RIMS1: variants seen among roughly 807,000 people sequenced by gnomAD.
RIMS1 encodes the protein regulating synaptic membrane exocytosis 1.
A neutral mutation model predicts 214.1 loss-of-function variants in RIMS1; 83 were observed. That is an observed-to-expected ratio of 0.39 (90% CI 0.32 to 0.47). The LOEUF (loss-of-function observed/expected upper bound fraction) is 0.47. Among genes scored for constraint, RIMS1 ranks in the 20% least tolerant of loss-of-function variants. The pLI, the probability that RIMS1 is intolerant of heterozygous loss-of-function variation, is 0.99. For synonymous variants in RIMS1, 793 were observed against 786.8 expected, an observed-to-expected ratio of 1.01 and a Z score of -0.13; for missense variants, 2,050 against 2,161.8, an observed-to-expected ratio of 0.95 and a Z score of 1.03.
chr6:72,158,014 ATGT>A (rs1252564265), intron 4 of RIMS1, among the ~76,000 whole-genome samples: 2 of 140,546 alleles, frequency 1.4e-5, no homozygotes, highest in South Asian at 2.3e-4. Context: ...CAAATATTTT[ATGT>A]TATTATTGTG....
At chr6:72,396,161 A>G (rs1261590506) in intron 31 of RIMS1, among the ~76,000 whole-genome samples, 1 of 152,148 alleles carries the variant, frequency 6.6e-6, no homozygotes. Flanking sequence ...AGAAAAAATG[A>G]CCATCTTAAG....
At chr6:71,918,462 G>A (rs938209909) in intron 1 of RIMS1, among the ~76,000 whole-genome samples, 2 of 152,252 alleles carry the variant, frequency 1.3e-5, no homozygotes, top group African/African-American at 4.8e-5. Context: ...CCCTTGCAAT[G>A]GTGAAGACAA....
Position 72,274,396 on chromosome 6 carries a change from G to C in RIMS1, c.3446G>C (p.Arg1149Thr). The change falls in exon 23 of 34, where the codon AGG (arginine) becomes ACG (threonine). Residue 1149 changes from arginine to threonine, a missense_variant. Physicochemically the swap from Arg to Thr is moderately conservative, Grantham distance 71 (BLOSUM62 -1). Coordinates refer to ENST00000521978, the MANE Select transcript of RIMS1 (RefSeq NM_014989.7). ...SLDRRRPPSP[R>T]IQIQHASPEN... ...GATAGGAGACGACCTCCTAGTCCCA[G>C]GATTCAAATCCAGCATGCGTCTCCG... 6.2e-7 allele frequency: 1 copy of C among 1,613,304 alleles called. No homozygotes were observed. Among genetic ancestry groups the C allele is most frequent in the Non-Finnish European group, 8.5e-7 (1 of 1,179,456 alleles).
In RIMS1 at chr6:72,161,818, A is replaced by T. The variant is rs2045464864; in HGVS notation, c.472-17757A>T. The stretch of plus-strand genomic sequence containing the variant: ...GAGCTTTACTTCCAACTATGTGGTC[A>T]ACTTTGGAATAAGTGTGATGTGGTG... On this transcript the variant is annotated intron_variant, in intron 4 of 33. Transcript: ENST00000521978. Among the ~76,000 whole-genome samples, 2 of 139,952 alleles carry T rather than the reference A, an allele frequency of 1.4e-5. 1 individual carries two copies. The highest frequency in any genetic ancestry group is 1.5e-4 in the Admixed American group (2 of 13,590). The allele number at this position is 139,952 out of a possible 152,430, so 91.8% of individuals were successfully genotyped here.
intron 1 of RIMS1, among the ~76,000 whole-genome samples, chr6:71,937,220 G>GTTC (rs1375658099): frequency 2.6e-5 from 4 of 152,110 alleles, no homozygotes; most frequent in Non-Finnish European, 4.4e-5. Context: ...GAATAGAAAT[G>GTTC]TATTTGGCTT....
intron 31 of RIMS1, among the ~76,000 whole-genome samples, chr6:72,393,108 CAGTAA>C (rs1449323458): frequency 6.8e-6 from 1 of 146,934 alleles, no homozygotes; most frequent in African/African-American, 2.5e-5. Flanking sequence ...AAAGACTGTT[CAGTAA>C]AGTATAGTAA....
intron 7 of RIMS1, among the ~76,000 whole-genome samples, chr6:72,234,055 A>T (rs1054311394): frequency 1.3e-5 from 2 of 152,006 alleles, no homozygotes; most frequent in African/African-American, 2.4e-5. Flanking sequence ...TAATTACTAT[A>T]AGTAAGATTG....
chr6:72,217,178 A>G, intron 6 of RIMS1: 1 of 1,536,798 alleles, frequency 6.5e-7, no homozygotes, highest in Non-Finnish European at 8.7e-7. Context: ...AACCACTCCG[A>G]TGCTGCTGTT....
intron 6 of RIMS1, among the ~76,000 whole-genome samples, chr6:72,213,669 A>G (rs925676184): frequency 6.6e-6 from 1 of 152,190 alleles, no homozygotes; most frequent in African/African-American, 2.4e-5. Context: ...TGGAATGTCA[A>G]TGCAAAAATA....
chr6:71,934,040 C>T (rs1017644302), intron 1 of RIMS1, among the ~76,000 whole-genome samples: 3 of 152,150 alleles, frequency 2.0e-5, no homozygotes, highest in Admixed American at 6.5e-5. Flanking sequence ...CCCACCTCCT[C>T]AAGTTTCCAT....
rs1424727747 is a variant in RIMS1, at chr6:72,182,729, T to C, written c.1258T>C (p.Ser420Pro). The C allele has an allele frequency of 9.1e-6, 14 of 1,534,212 alleles. No homozygotes were observed. The highest frequency in any genetic ancestry group is 1.4e-5 in the African/African-American group (1 of 71,616). Residue 420 changes from serine to proline, a missense_variant, in exon 6 of 34, where the codon TCG becomes CCG. Transcript: ENST00000521978. ...GKRAPAAARA[S>P]PPDSPRAYSA... ...ACGCGCGCCGGCGGCAGCCAGGGCC[T>C]CGCCGCCGGACTCGCCGCGGGCTTA...
At chr6:72,213,210 C>G (rs891525901) in intron 6 of RIMS1, 1 of 1,536,054 alleles carries the variant, frequency 6.5e-7, no homozygotes, top group African/African-American at 1.4e-5. Flanking sequence ...TGAAGCTCGA[C>G]GAGCAGTTGC....
chr6:72,092,283 C>CCTT (rs1836452502), intron 2 of RIMS1, among the ~76,000 whole-genome samples: 2 of 58,974 alleles, frequency 3.4e-5, no homozygotes, highest in South Asian at 1.6e-3. Context: ...CTCCCTCCCT[C>CCTT]CCTCCCTCCC....
intron 19 of RIMS1, chr6:72,261,895 A>T: frequency 1.0e-6 from 1 of 985,258 alleles, no homozygotes; most frequent in Non-Finnish European, 1.2e-6. Flanking sequence ...AAAATCATGC[A>T]TATTGTAAAA....
At chr6:72,125,631 G>A (rs914439146) in intron 4 of RIMS1, among the ~76,000 whole-genome samples, 9 of 152,248 alleles carry the variant, frequency 5.9e-5, no homozygotes, top group African/African-American at 2.2e-4. Flanking sequence ...CTGAGCTGCA[G>A]TGGGGTCCAC....
chr6:72,037,355 A>G (rs914246071), intron 2 of RIMS1, among the ~76,000 whole-genome samples: 2 of 152,126 alleles, frequency 1.3e-5, no homozygotes, highest in Non-Finnish European at 2.9e-5. Flanking sequence ...ATAATGAGAA[A>G]TGTAATCCAG....
At chr6:72,375,963 G>A (rs1187974861) in intron 29 of RIMS1, among the ~76,000 whole-genome samples, 1 of 152,082 alleles carries the variant, frequency 6.6e-6, no homozygotes, top group African/African-American at 2.4e-5. Flanking sequence ...TTGCCTCTTG[G>A]TTTTATAAAT....
intron 29 of RIMS1, among the ~76,000 whole-genome samples, chr6:72,357,383 C>T (rs2097681235): frequency 6.6e-6 from 1 of 152,154 alleles, no homozygotes. Context: ...ATGAACTGCA[C>T]CAGCCTCTCA....
chr6:72,182,247 T>C, intron 5 of RIMS1, 37 bp from the exon 6 acceptor site: 1 of 1,521,208 alleles, frequency 6.6e-7, no homozygotes. Context: ...CTAGTCTTTA[T>C]AAATTGCTCT....
Sources: allele counts gnomAD v4.1 joint callset (sites outside exome capture counted in the v4.1 genomes callset), GRCh38; gene constraint gnomAD v4.1.1; transcripts MANE v1.5; gene names NCBI Gene and HGNC (gene_info 2026-07-23, HGNC 2026-07-21).